The following GNA12 variants were observed in gnomAD, a reference collection of about 807,000 sequenced individuals.
GNA12 encodes G protein subunit alpha 12, also known as guanine nucleotide-binding protein subunit alpha-12.
Under a neutral mutation model 26.0 loss-of-function variants are expected in GNA12, and 9 were observed. The observed-to-expected ratio is 0.35, with a 90% CI of 0.21 to 0.60. The LOEUF (loss-of-function observed/expected upper bound fraction) is 0.60, where lower values mean the gene tolerates loss of function less well. Ranked by LOEUF, GNA12 falls within the 20% of genes least tolerant of loss-of-function variation. The pLI, the probability that GNA12 is intolerant of heterozygous loss-of-function variation, is 0.78. For missense variants in GNA12, 405 were observed against 525.8 expected, an observed-to-expected ratio of 0.77 and a Z score of 2.25; for synonymous variants, 264 against 219.6, an observed-to-expected ratio of 1.20 and a Z score of -1.79.
At chr7:2,793,655 G>A (rs1436897130) in intron 2 of GNA12, among the ~76,000 whole-genome samples, 2 of 151,996 alleles carry the variant, frequency 1.3e-5, no homozygotes, top group African/African-American at 4.8e-5. Flanking sequence ...GGCCGAGGCG[G>A]GTGGATCACC....
Position 2,728,347 on chromosome 7 carries a change from T to C in GNA12, c.*2834A>G, listed in dbSNP as rs929783781. On this transcript the variant is annotated 3_prime_UTR_variant, in exon 4 of 4. Transcript: ENST00000275364. ...ATAATCTTCTTTCAAGAGTTTTTTT[T>C]TTCAATCTTGGAGTTAACAATCTGA... 5 of 152,314 alleles carry C rather than the reference T, an allele frequency of 3.3e-5. No individual in the cohort carries two copies. The highest frequency in any genetic ancestry group is 1.2e-4 in the African/African-American group (5 of 41,446). The allele number at this position is 152,314 out of a possible 1,614,324, so 9.4% of individuals were successfully genotyped here. A position where few individuals can be genotyped will look rare whatever the true frequency, so the allele number is the denominator to read the frequency against.
chr7:2,811,227 G>T (rs1013781345), intron 1 of GNA12, among the ~76,000 whole-genome samples: 2 of 151,206 alleles, frequency 1.3e-5, no homozygotes, highest in Non-Finnish European at 3.0e-5. Context: ...ACCTGGGTGG[G>T]GCTGACTTCT....
chr7:2,831,035 C>T (rs1793594017), intron 1 of GNA12, among the ~76,000 whole-genome samples: 3 of 152,098 alleles, frequency 2.0e-5, no homozygotes, highest in African/African-American at 7.2e-5. Flanking sequence ...TTCTCATCTC[C>T]TCAGCTTCTG....
At chr7:2,777,056 C>T (rs1180317853) in intron 2 of GNA12, among the ~76,000 whole-genome samples, 2 of 152,188 alleles carry the variant, frequency 1.3e-5, no homozygotes, top group East Asian at 1.9e-4. Flanking sequence ...TGCAGCTGTA[C>T]TTCCTGGTGG....
At chr7:2,757,671 A>G (rs1224398699) in intron 2 of GNA12, among the ~76,000 whole-genome samples, 1 of 152,202 alleles carries the variant, frequency 6.6e-6, no homozygotes, top group Non-Finnish European at 1.5e-5. Flanking sequence ...TAAGTTGCTA[A>G]TTGGTGGTAA....
At chr7:2,839,691 G>A (rs1355317054) in intron 1 of GNA12, among the ~76,000 whole-genome samples, 2 of 152,128 alleles carry the variant, frequency 1.3e-5, no homozygotes, top group African/African-American at 4.8e-5. Context: ...GCCATGACAT[G>A]TATGAAATGA....
At chr7:2,751,200 A>C (rs1672372881) in intron 2 of GNA12, among the ~76,000 whole-genome samples, 1 of 152,032 alleles carries the variant, frequency 6.6e-6, no homozygotes, top group South Asian at 2.1e-4. Flanking sequence ...CCTGGGCAAC[A>C]TGGTAAAACC....
At chr7:2,821,280 AC>A (rs1041840245) in intron 1 of GNA12, among the ~76,000 whole-genome samples, 1 of 152,202 alleles carries the variant, frequency 6.6e-6, no homozygotes, top group Non-Finnish European at 1.5e-5. Flanking sequence ...CCTGTTCAAC[AC>A]AGGGACACGC....
intron 1 of GNA12, among the ~76,000 whole-genome samples, chr7:2,831,467 G>A (rs996758099): frequency 6.9e-6 from 1 of 144,440 alleles, no homozygotes; most frequent in African/African-American, 2.5e-5. Flanking sequence ...GCAGTGGCGC[G>A]ATCTCTGCTC....
chr7:2,762,259 T>A (rs942821824), intron 2 of GNA12: 14 of 214,706 alleles, frequency 6.5e-5, no homozygotes, highest in African/African-American at 9.1e-5. Flanking sequence ...CCACCCTGAC[T>A]TAGGGTCGTC....
chr7:2,765,322 G>A (rs1791757894), intron 2 of GNA12, among the ~76,000 whole-genome samples: 1 of 151,900 alleles, frequency 6.6e-6, no homozygotes, highest in East Asian at 1.9e-4. Flanking sequence ...TAATTTTTTT[G>A]TATTTTTAGT....
chr7:2,748,099 G>C (rs1339245269), intron 2 of GNA12, among the ~76,000 whole-genome samples: 1 of 150,888 alleles, frequency 6.6e-6, no homozygotes, highest in Non-Finnish European at 1.5e-5. Flanking sequence ...GTAATTTATA[G>C]ATTCAATGCC....
At chr7:2,789,132 CTTTTTTT>C (rs71026556) in intron 2 of GNA12, among the ~76,000 whole-genome samples, 5 of 72,832 alleles carry the variant, frequency 6.9e-5, no homozygotes, top group Non-Finnish European at 1.1e-4. Flanking sequence ...CTTCAGGCAT[CTTTTTTT>C]TTTTTTTTTT....
At chr7:2,775,887 C>A (rs1447865435) in intron 2 of GNA12, among the ~76,000 whole-genome samples, 1 of 152,192 alleles carries the variant, frequency 6.6e-6, no homozygotes, top group African/African-American at 2.4e-5. Flanking sequence ...GCACAGGGCC[C>A]AGACCCGTAC....
intron 2 of GNA12, among the ~76,000 whole-genome samples, chr7:2,777,334 G>GATATT (rs1206967912): frequency 6.6e-6 from 1 of 152,208 alleles, no homozygotes; most frequent in African/African-American, 2.4e-5. Context: ...AACAAGAGAT[G>GATATT]ATATTGTCTC....
At chr7:2,807,894 C>T (rs1186630126) in intron 1 of GNA12, among the ~76,000 whole-genome samples, 4 of 152,166 alleles carry the variant, frequency 2.6e-5, no homozygotes, top group Admixed American at 1.3e-4. Context: ...GAAGAGCAGC[C>T]GCTGAGCTCA....
At chr7:2,833,564 T>C (rs1359037424) in intron 1 of GNA12, among the ~76,000 whole-genome samples, 1 of 152,232 alleles carries the variant, frequency 6.6e-6, no homozygotes, top group Non-Finnish European at 1.5e-5. Flanking sequence ...TCATGTGTTC[T>C]GAATCCCCAA....
At chr7:2,756,713 C>T (rs1041023121) in intron 2 of GNA12, among the ~76,000 whole-genome samples, 9 of 152,222 alleles carry the variant, frequency 5.9e-5, no homozygotes, top group Non-Finnish European at 5.9e-5. Flanking sequence ...CGATGACAGA[C>T]GCCCCTGTCT....
At chr7:2,812,938 A>G (rs927291627) in intron 1 of GNA12, among the ~76,000 whole-genome samples, 5 of 152,146 alleles carry the variant, frequency 3.3e-5, no homozygotes, top group Admixed American at 2.6e-4. Context: ...TACTTTTCAA[A>G]CTTTAAAAAA....
Sources: allele counts gnomAD v4.1 joint callset (sites outside exome capture counted in the v4.1 genomes callset), GRCh38; gene constraint gnomAD v4.1.1; transcripts MANE v1.5; gene names NCBI Gene and HGNC (gene_info 2026-07-23, HGNC 2026-07-21).